LONRF2: variants seen among roughly 807,000 people sequenced by gnomAD.
The protein encoded by LONRF2 is LON peptidase N-terminal domain and RING finger protein 2.
A neutral mutation model predicts 66.6 loss-of-function variants in LONRF2; 35 were observed. The observed-to-expected ratio is 0.53, with a 90% confidence interval of 0.40 to 0.70. The LOEUF (loss-of-function observed/expected upper bound fraction) is 0.70, where lower values mean the gene tolerates loss of function less well. Ranked by LOEUF, LONRF2 falls within the 30% of genes least tolerant of loss-of-function variation. The probability of loss-of-function intolerance (pLI) is 0.00; values close to 1 mark genes in which losing one functional copy is unlikely to be tolerated. For missense variants in LONRF2, 902 were observed against 1,002.1 expected (o/e 0.90, Z 1.35); for synonymous variants, 417 against 418.1 (o/e 1.00, Z 0.03).
At chr2:100,285,949 C>T (rs1233722703) in intron 11 of LONRF2, among the ~76,000 whole-genome samples, 1 of 152,138 alleles carries the variant, frequency 6.6e-6, no homozygotes, top group Non-Finnish European at 1.5e-5. Context: ...TAATAAACAA[C>T]AACTCCTAGG....
At chr2:100,297,903 A>T (rs1336429966) in intron 7 of LONRF2, among the ~76,000 whole-genome samples, 1 of 152,250 alleles carries the variant, frequency 6.6e-6, no homozygotes, top group Admixed American at 6.5e-5. Context: ...AAAGGTTATA[A>T]TTATTTAAAA....
intron 3 of LONRF2, among the ~76,000 whole-genome samples, chr2:100,301,663 T>G (rs1573118610): frequency 6.6e-6 from 1 of 152,242 alleles, no homozygotes; most frequent in African/African-American, 2.4e-5. Context: ...AGCCATAGAA[T>G]GTCCAGGGGA....
intron 2 of LONRF2, among the ~76,000 whole-genome samples, chr2:100,304,714 C>T (rs1675256839): frequency 6.8e-6 from 1 of 147,928 alleles, no homozygotes; most frequent in Non-Finnish European, 1.5e-5. Context: ...ACCCCTGCCT[C>T]CCAGGTTCAA....
Position 100,282,894 on chromosome 2 carries a change from C to T in LONRF2, c.*1404G>A, listed in dbSNP as rs1450664057. ...AGAAAAATTAATAATATTATAAAGT[C>T]TTTCTAATAAAATGCTTGATGGATT... On this transcript the variant is annotated 3_prime_UTR_variant, in exon 12 of 12. Transcript: ENST00000393437. 1.3e-5 allele frequency: 2 copies of T among 151,556 alleles called. No individual in the cohort carries two copies. Among genetic ancestry groups the T allele is most frequent in the Non-Finnish European group, 2.9e-5 (2 of 67,978 alleles). 9.4% of individuals were successfully genotyped at this position (151,556 alleles called of 1,614,324 possible). A position where few individuals can be genotyped will look rare whatever the true frequency, so the allele number is the denominator to read the frequency against.
In LONRF2 at chr2:100,316,622, C is replaced by T. The variant is rs576560218; in HGVS notation, c.679+4793G>A. On this transcript the variant is annotated intron_variant, in intron 1 of 11. Coordinates refer to ENST00000393437, the MANE Select transcript of LONRF2 (RefSeq NM_198461.4). Reference sequence around the variant, plus strand: ...GGAGTTGGCAAACACAACCACAGGCCAACTCCAACGCTCTGCCTATGGTCA... The same window carrying T: ...GGAGTTGGCAAACACAACCACAGGCTAACTCCAACGCTCTGCCTATGGTCA... 2.2e-4 allele frequency among the ~76,000 whole-genome samples: 34 copies of T among 151,672 alleles called. 1 individual carries two copies. The highest frequency in any genetic ancestry group is 3.6e-4 in the African/African-American group (15 of 41,268).
At chr2:100,291,056 A>G (rs1222317235) in intron 9 of LONRF2, among the ~76,000 whole-genome samples, 2 of 152,204 alleles carry the variant, frequency 1.3e-5, no homozygotes, top group African/African-American at 2.4e-5. Context: ...ACCACAAAAC[A>G]TATGTCTCTT....
rs11674945 is a variant in LONRF2, at chr2:100,276,412, G to C, written c.*7886C>G. ...ATTTCCTGTGGTCATAGTACCCAAC[G>C]CCCTAATATCCCATATTGAACACAG... is the stretch of plus-strand genomic sequence containing the variant. On this transcript the variant is annotated 3_prime_UTR_variant, in exon 12 of 12. Transcript: ENST00000393437. 6.6e-6 allele frequency: 1 copy of C among 152,012 alleles called. No homozygotes were observed. Among genetic ancestry groups the C allele is most frequent in the Non-Finnish European group, 1.5e-5 (1 of 67,996 alleles). The allele number at this position is 152,012 out of a possible 1,614,324, so 9.4% of individuals were successfully genotyped here. A position where few individuals can be genotyped will look rare whatever the true frequency, so the allele number is the denominator to read the frequency against.
chr2:100,315,135 G>A (rs1028391815), intron 1 of LONRF2, among the ~76,000 whole-genome samples: 1 of 152,116 alleles, frequency 6.6e-6, no homozygotes, highest in Non-Finnish European at 1.5e-5. Context: ...AATGTTTCAT[G>A]TTTTCAGTGT....
In LONRF2 at chr2:100,321,634, C is replaced by T. The variant is rs1422436912; in HGVS notation, c.460G>A (p.Val154Met). The change falls in exon 1 of 12, where the codon GTG becomes ATG. Residue 154 changes from valine (V) to methionine (M), a missense_variant. Physicochemically the swap from Val to Met is conservative, Grantham distance 21. This residue lies in a region of LONRF2 where 585 missense variants were observed against 569.9 expected (regional missense o/e 1.03). Coordinates refer to ENST00000393437, the MANE Select transcript of LONRF2 (RefSeq NM_198461.4). ...ACTGTGAGCCCGCAGGGCAGCGTCA[C>T]CGGCTTATGCAGCAGCCGCCGGCAG... ...PRCRRLLHKP[V>M]TLPCGLTVCK... 1.4e-6 allele frequency: 2 copies of T among 1,449,494 alleles called. No homozygotes were observed. The highest frequency in any genetic ancestry group is 1.8e-6 in the Non-Finnish European group (2 of 1,105,414). The allele number at this position is 1,449,494 out of a possible 1,614,324, so 89.8% of individuals were successfully genotyped here. A position where few individuals can be genotyped will look rare whatever the true frequency, so the allele number is the denominator to read the frequency against.
rs919079310 is a variant in LONRF2, at chr2:100,272,563, G to T, written c.*11735C>A. On this transcript the variant is annotated 3_prime_UTR_variant, in exon 12 of 12. Coordinates refer to ENST00000393437, the MANE Select transcript of LONRF2 (RefSeq NM_198461.4). ...ACCAGAGTATGTAGGTTAAAAAAAA[G>T]AAAAAAAAAGATGGGAAAGGTATCA... is the stretch of plus-strand genomic sequence containing the variant. 6.7e-6 allele frequency among the ~76,000 whole-genome samples: 1 copy of T among 149,038 alleles called. No individual in the cohort carries two copies. Among genetic ancestry groups the T allele is most frequent in the Non-Finnish European group, 1.5e-5 (1 of 67,144 alleles).
intron 1 of LONRF2, among the ~76,000 whole-genome samples, chr2:100,312,965 T>C (rs1675437544): frequency 6.6e-6 from 1 of 152,144 alleles, no homozygotes; most frequent in African/African-American, 2.4e-5. Flanking sequence ...TGATGCAACA[T>C]TTCAGTAGGT....
chr2:100,279,541 G>A lies in LONRF2; in HGVS notation c.*4757C>T, dbSNP rs113622657. On this transcript the variant is annotated 3_prime_UTR_variant, in exon 12 of 12. Transcript: ENST00000393437. ...ACCTTAGTATGTCAAAACAGCAGAG[G>A]ACCAATTGTATTAATCATGATTTCT... 66 of 152,224 alleles carry A rather than the reference G, an allele frequency of 4.3e-4. No homozygotes were observed. The highest frequency in any genetic ancestry group is 1.5e-3 in the African/African-American group (62 of 41,532). 9.4% of individuals were successfully genotyped at this position (152,224 alleles called of 1,614,324 possible). A position where few individuals can be genotyped will look rare whatever the true frequency, so the allele number is the denominator to read the frequency against.
At chr2:100,291,716 C>T (rs1041377507) in intron 9 of LONRF2, among the ~76,000 whole-genome samples, 6 of 152,040 alleles carry the variant, frequency 3.9e-5, no homozygotes, top group Admixed American at 6.5e-5. Flanking sequence ...CTAACCAGCC[C>T]GGCCCTTCAC....
rs574888201 is a variant in LONRF2 at position 100,287,976 on chromosome 2, C to T, written c.1921-913G>A. On this transcript the variant is annotated intron_variant, in intron 10 of 11. Transcript: ENST00000393437. ...AAATTATAATATAATGCATATACCA[C>T]CCTCAATTTGATTTATACAAATCAA... is the stretch of plus-strand genomic sequence containing the variant. Among the ~76,000 whole-genome samples, 3 of 152,220 alleles carry T rather than the reference C, an allele frequency of 2.0e-5. No individual in the cohort carries two copies. The South Asian group carries it at 6.2e-4, about 32-fold the overall frequency.
rs1043549479 is a variant in LONRF2 at position 100,276,761 on chromosome 2, T to C, written c.*7537A>G. 1.3e-5 allele frequency: 2 copies of C among 152,330 alleles called. No homozygotes were observed. The highest frequency in any genetic ancestry group is 3.4e-3 in the Middle Eastern group (1 of 294). 9.4% of individuals were successfully genotyped at this position (152,330 alleles called of 1,614,324 possible). ...TTCTACACAATAAATAACTGGCCAA[T>C]ATTTTGCTCTTACAGATTTGGCTAA... On this transcript the variant is annotated 3_prime_UTR_variant, in exon 12 of 12. Transcript: ENST00000393437.
intron 4 of LONRF2, 45 bp downstream of exon 4, chr2:100,300,599 T>C (rs183964536): frequency 1.9e-6 from 3 of 1,557,158 alleles, no homozygotes; most frequent in Non-Finnish European, 2.6e-6. Context: ...AGCCATTATG[T>C]AAAGCTTAAT....
Position 100,290,286 on chromosome 2 carries a change from G to A in LONRF2, c.1892C>T (p.Ala631Val), listed in dbSNP as rs1195880635. The A allele has an allele frequency of 3.1e-6, 5 of 1,613,416 alleles. No individual in the cohort carries two copies. The highest frequency in any genetic ancestry group is 1.7e-5 in the Admixed American group (1 of 59,854). The stretch of plus-strand genomic sequence containing the variant: ...TTCATCTTCAAGATATTCAATGTCC[G>A]CTGTGTTATAGCCATCTCTGTGGCG... Reference protein sequence around the residue: ...SHRHRDGYNTADIEYLEDEKV... With the variant: ...SHRHRDGYNTVDIEYLEDEKV... Residue 631 changes from alanine to valine, a missense_variant, in exon 10 of 12, where the codon GCG becomes GTG. Ala to Val is a moderately conservative substitution (Grantham distance 64). Around this residue, in one of 2 missense-constraint regions of LONRF2, gnomAD observed 317 missense variants for 432.2 expected, o/e 0.73. Transcript: ENST00000393437.
rs1310663482 is a variant in LONRF2, at chr2:100,299,854, C to T, written c.1130G>A (p.Gly377Asp). The change falls in exon 5 of 12, where the codon GGT becomes GAT. Residue 377 changes from glycine (G) to aspartate (D), a missense_variant. By Grantham distance (94) the Gly-to-Asp change is moderately conservative (BLOSUM62 -1). Around this residue, in one of 2 missense-constraint regions of LONRF2, gnomAD observed 585 missense variants for 569.9 expected, o/e 1.03. Transcript: ENST00000393437. Reference sequence around the variant, plus strand: ...CTTTTTATCCTCTTCAAAGTGTAGACCCAGTATAAAATACAAAACTGAAGA... The same window carrying T: ...CTTTTTATCCTCTTCAAAGTGTAGATCCAGTATAAAATACAAAACTGAAGA... Reference protein sequence around the residue: ...TNSSVLYFILGLHFEEDKKAL... With the variant: ...TNSSVLYFILDLHFEEDKKAL... 6.2e-7 allele frequency: 1 copy of T among 1,611,422 alleles called. No homozygotes were observed. The highest frequency in any genetic ancestry group is 1.7e-5 in the Admixed American group (1 of 59,968).
At chr2:100,305,820 G>C (rs1675278874) in intron 2 of LONRF2, among the ~76,000 whole-genome samples, 2 of 152,146 alleles carry the variant, frequency 1.3e-5, no homozygotes, top group African/African-American at 4.8e-5. Context: ...AATCACAAAA[G>C]ATTCAGCTTT....
Sources: gnomAD v4.1 joint callset for allele counts (sites outside exome capture counted in the v4.1 genomes callset) on GRCh38, gnomAD v4.1.1 for gene constraint, gnomAD v4.1.1 regional missense constraint, MANE v1.5 for transcripts, NCBI Gene and HGNC (gene_info 2026-07-23, HGNC 2026-07-21) for gene names.